The following CSRNP3 variants were observed in gnomAD, a reference collection of about 807,000 sequenced individuals.
CSRNP3 encodes the protein cysteine/serine-rich nuclear protein 3.
Under a neutral mutation model 48.0 loss-of-function variants are expected in CSRNP3, and 12 were observed. The observed-to-expected ratio is 0.25, with a 90% CI of 0.16 to 0.41. The LOEUF is 0.41. Among genes scored for constraint, CSRNP3 ranks in the 10% least tolerant of loss-of-function variants. The probability of loss-of-function intolerance (pLI) is 1.00; values close to 1 mark genes in which losing one functional copy is unlikely to be tolerated. For missense variants in CSRNP3, 580 were observed against 724.4 expected (o/e 0.80, Z 2.29); for synonymous variants, 263 against 269.7 (o/e 0.98, Z 0.24).
chr2:165,524,872 G>A (rs1684712645), intron 3 of CSRNP3, among the ~76,000 whole-genome samples: 1 of 152,122 alleles, frequency 6.6e-6, no homozygotes, highest in East Asian at 1.9e-4. Flanking sequence ...GTTTTTGGTG[G>A]TTTGAATATG....
At chr2:165,520,776 ATATATAT>A (rs1229413414) in intron 3 of CSRNP3, among the ~76,000 whole-genome samples, 113 of 13,144 alleles carry the variant, frequency 8.6e-3, no homozygotes, top group African/African-American at 0.058. Flanking sequence ...TATATTATAT[ATATATAT>A]TATATATATA....
chr2:165,477,194 G>A (rs1295300979), intron 1 of CSRNP3, among the ~76,000 whole-genome samples: 1 of 151,878 alleles, frequency 6.6e-6, no homozygotes, highest in African/African-American at 2.4e-5. Context: ...TATAATTGAA[G>A]ATTTCATAAA....
intron 2 of CSRNP3, among the ~76,000 whole-genome samples, chr2:165,500,225 G>A (rs923713471): frequency 6.6e-6 from 1 of 151,366 alleles, no homozygotes; most frequent in South Asian, 2.1e-4. Flanking sequence ...TGCAAAATAC[G>A]TAAACTGTTA....
At chr2:165,613,625 G>T (rs956254521) in intron 4 of CSRNP3, among the ~76,000 whole-genome samples, 1 of 152,142 alleles carries the variant, frequency 6.6e-6, no homozygotes, top group African/African-American at 2.4e-5. Flanking sequence ...TAGATATTCA[G>T]TTCTCACCAA....
intron 3 of CSRNP3, 66 bp from the exon 4 acceptor site, chr2:165,594,977 G>A: frequency 6.9e-7 from 1 of 1,455,340 alleles, no homozygotes. Flanking sequence ...AATGACTCTG[G>A]AGACCTTGGC....
At chr2:165,575,452 G>A (rs1408184886) in intron 3 of CSRNP3, among the ~76,000 whole-genome samples, 1 of 151,992 alleles carries the variant, frequency 6.6e-6, no homozygotes, top group East Asian at 1.9e-4. Context: ...AAAATATGTT[G>A]GAAAAGATGA....
intron 5 of CSRNP3, among the ~76,000 whole-genome samples, chr2:165,664,869 AC>A (rs1437170191): frequency 6.6e-6 from 1 of 152,200 alleles, no homozygotes; most frequent in Admixed American, 6.5e-5. Flanking sequence ...AATAAGCTAA[AC>A]TAAACAAAAA....
At chr2:165,678,586 C>A in intron 6 of CSRNP3, 115 bp from the exon 7 acceptor site, 1 of 1,241,492 alleles carries the variant, frequency 8.1e-7, no homozygotes, top group Non-Finnish European at 1.1e-6. Context: ...TTTGCTCTGG[C>A]ATATGTGGAA....
chr2:165,636,678 A>G (rs758431116), intron 4 of CSRNP3, among the ~76,000 whole-genome samples: 5 of 152,236 alleles, frequency 3.3e-5, no homozygotes, highest in African/African-American at 7.2e-5. Flanking sequence ...ATATTTGTAT[A>G]TGTAAGTCAT....
rs1412924132 is a variant in CSRNP3, at chr2:165,658,035, C to A, written c.408+15C>A. The A allele has an allele frequency of 6.2e-7, 1 of 1,601,364 alleles. No individual in the cohort carries two copies. The highest frequency in any genetic ancestry group is 1.1e-5 in the South Asian group (1 of 90,522). On this transcript the variant is annotated intron_variant, in intron 5 of 6. Coordinates refer to ENST00000651982, the MANE Select transcript of CSRNP3 (RefSeq NM_001172173.2). ...TAAAACTAAAGGTAAAAAACAAACT[C>A]ATTTTCTGCAAAGTCTCATATCCTT...
intron 2 of CSRNP3, among the ~76,000 whole-genome samples, chr2:165,510,614 T>C (rs1199668227): frequency 1.3e-5 from 2 of 152,198 alleles, no homozygotes; most frequent in East Asian, 1.9e-4. Flanking sequence ...TAGGTTTTAA[T>C]TGAGCACTTT....
rs986090060 is a variant in CSRNP3 at position 165,517,538 on chromosome 2, A to G, written c.-112-335A>G. Among the ~76,000 whole-genome samples the G allele has an allele frequency of 2.1e-4, 32 of 152,084 alleles. No homozygotes were observed. The South Asian group carries it at 3.3e-3, about 16-fold the overall frequency. ...TGAAGATATGAATCTCCTAAAGACT[A>G]GAAAGTTGCTTAAGTCTAGTGTAAT... is the stretch of plus-strand genomic sequence containing the variant. On this transcript the variant is annotated intron_variant, in intron 2 of 6. Transcript: ENST00000651982.
At chr2:165,478,146 C>T (rs1401386042) in intron 1 of CSRNP3, among the ~76,000 whole-genome samples, 1 of 152,160 alleles carries the variant, frequency 6.6e-6, no homozygotes, top group Non-Finnish European at 1.5e-5. Context: ...CTACTAAAAT[C>T]TTGCAGATTG....
intron 3 of CSRNP3, among the ~76,000 whole-genome samples, chr2:165,537,779 C>T (rs377194788): frequency 6.1e-4 from 93 of 151,900 alleles, no homozygotes; most frequent in African/African-American, 2.1e-3. Flanking sequence ...TTTCTATTTT[C>T]TTCTCTTTGT....
intron 5 of CSRNP3, among the ~76,000 whole-genome samples, chr2:165,664,376 G>A (rs552639296): frequency 7.4e-4 from 113 of 152,232 alleles, no homozygotes; most frequent in African/African-American, 2.6e-3. Flanking sequence ...TTGAAATAGC[G>A]CATTTCATTT....
intron 3 of CSRNP3, among the ~76,000 whole-genome samples, chr2:165,559,150 T>C (rs1267922555): frequency 6.6e-6 from 1 of 152,076 alleles, no homozygotes; most frequent in Admixed American, 6.5e-5. Context: ...CATATAGAAA[T>C]TGGAATATAG....
intron 4 of CSRNP3, among the ~76,000 whole-genome samples, chr2:165,598,668 C>G (rs973836996): frequency 1.3e-5 from 2 of 152,034 alleles, no homozygotes; most frequent in African/African-American, 4.8e-5. Flanking sequence ...TTTACGATGT[C>G]TAAGAAGTCA....
rs1036647530 is a variant in CSRNP3 at position 165,520,716 on chromosome 2, A to G, written c.-24+2755A>G. On this transcript the variant is annotated intron_variant, in intron 3 of 6. Coordinates refer to ENST00000651982, the MANE Select transcript of CSRNP3 (RefSeq NM_001172173.2). ...TATCTATCTATCTATCTATCTGTCTATCTATATTTATATATCTATTTTATA... is the reference window on the plus strand; with the variant it reads ...TATCTATCTATCTATCTATCTGTCTGTCTATATTTATATATCTATTTTATA... 1.8e-4 allele frequency among the ~76,000 whole-genome samples: 18 copies of G among 99,088 alleles called. 1 individual carries two copies. Among genetic ancestry groups the G allele is most frequent in the Admixed American group, 5.4e-4 (6 of 11,096 alleles). 65.0% of individuals were successfully genotyped at this position (99,088 alleles called of 152,430 possible).
rs142283269 is a variant in CSRNP3 at position 165,569,460 on chromosome 2, G to C, written c.-23-25583G>C. ...TCTGATAAGGTTTGGTTATTTTGTA[G>C]GAAAGGGGAGTAAATAAAAGAATTC... On this transcript the variant is annotated intron_variant, in intron 3 of 6. Coordinates refer to ENST00000651982, the MANE Select transcript of CSRNP3 (RefSeq NM_001172173.2). Among the ~76,000 whole-genome samples the C allele has an allele frequency of 9.5e-4, 145 of 152,120 alleles. No homozygotes were observed. In the East Asian group the frequency reaches 0.014, roughly 15 times the overall value.
Sources: gnomAD v4.1 joint callset for allele counts (sites outside exome capture counted in the v4.1 genomes callset) on GRCh38, gnomAD v4.1.1 for gene constraint, MANE v1.5 for transcripts, NCBI Gene and HGNC (gene_info 2026-07-23, HGNC 2026-07-21) for gene names.